Variants in ACACA observed in about 807,000 individuals in gnomAD.
ACACA encodes acetyl-CoA carboxylase 1.
In ACACA, 103 loss-of-function variants were observed where a neutral mutation model predicts 296.1. That is an observed-to-expected ratio of 0.35 (90% CI 0.30 to 0.41). The LOEUF is 0.41. Among genes scored for constraint, ACACA ranks in the 10% least tolerant of loss-of-function variants. ACACA has a pLI of 1.00. For synonymous variants in ACACA, 953 were observed against 1,038.6 expected, an observed-to-expected ratio of 0.92 and a Z score of 1.58; for missense variants, 1,554 against 2,989.7, an observed-to-expected ratio of 0.52 and a Z score of 11.20.
At position 37,390,175 on chromosome 17, in the gene ACACA, T is replaced by TATATAC. The variant is rs60788220; in HGVS notation, c.38+16086_38+16087insGTATAT. On this transcript the variant is annotated intron_variant, in intron 1 of 55. Coordinates refer to ENST00000616317, the MANE Select transcript of ACACA (RefSeq NM_198834.3). ...ATATATATATATATATATATATATA[T>TATATAC]ACACACACACATTATATATAAATAT... Among the ~76,000 whole-genome samples, 103 of 44,478 alleles carry TATATAC rather than the reference T, an allele frequency of 2.3e-3. 1 individual carries two copies. Among genetic ancestry groups the TATATAC allele is most frequent in the African/African-American group, 3.0e-3 (26 of 8,574 alleles). The allele number at this position is 44,478 out of a possible 152,430, so 29.2% of individuals were successfully genotyped here.
chr17:37,229,191 T>C (rs1038008090), intron 25 of ACACA, among the ~76,000 whole-genome samples: 3 of 151,720 alleles, frequency 2.0e-5, no homozygotes, highest in Non-Finnish European at 2.9e-5. Context: ...CTGTATCAGA[T>C]TTGATATAGA....
intron 1 of ACACA, among the ~76,000 whole-genome samples, chr17:37,350,781 G>C (rs894303170): frequency 6.6e-6 from 1 of 151,884 alleles, no homozygotes; most frequent in African/African-American, 2.4e-5. Flanking sequence ...GGAGGTTGTG[G>C]TGAGCCAAGA....
At position 37,097,241 on chromosome 17, in the gene ACACA, G is replaced by A. The variant is rs2073050109; in HGVS notation, c.6721-75C>T. 2 of 1,535,512 alleles carry A rather than the reference G, an allele frequency of 1.3e-6. No homozygotes were observed. The highest frequency in any genetic ancestry group is 8.9e-7 in the Non-Finnish European group (1 of 1,129,404). On this transcript the variant is annotated intron_variant, in intron 53 of 55. Transcript: ENST00000616317. The surrounding 1 kb of genome is among the most constrained non-coding windows in gnomAD (Gnocchi z 4.8). ...GCTCAGTCTGGAGGGAAACCCACAG[G>A]CATAAAAACTGATTCTCCAGGCAAG...
At chr17:37,171,789 T>C (rs1460570542) in intron 41 of ACACA, among the ~76,000 whole-genome samples, 1 of 152,216 alleles carries the variant, frequency 6.6e-6, no homozygotes, top group African/African-American at 2.4e-5. Context: ...GTAACATTTA[T>C]ATACATGAAA....
intron 3 of ACACA, among the ~76,000 whole-genome samples, chr17:37,318,392 G>C (rs1373915170): frequency 1.3e-5 from 2 of 152,024 alleles, no homozygotes; most frequent in Non-Finnish European, 2.9e-5. Flanking sequence ...ACAGGTGCTC[G>C]CCACCACCTG....
intron 39 of ACACA, 115 bp from the exon 40 acceptor site, chr17:37,181,471 G>T: frequency 8.9e-7 from 1 of 1,117,628 alleles, no homozygotes; most frequent in Non-Finnish European, 1.3e-6. Context: ...TTGGTAGGTT[G>T]AGTAGCTGAG....
intron 39 of ACACA, 75 bp from the exon 40 acceptor site, chr17:37,181,431 T>C: frequency 6.6e-7 from 1 of 1,513,958 alleles, no homozygotes; most frequent in Non-Finnish European, 9.1e-7. Flanking sequence ...GGGCTTTTTT[T>C]GCACAAATAT....
At chr17:37,226,209 G>A in intron 26 of ACACA, 130 bp downstream of exon 26, 2 of 813,476 alleles carry the variant, frequency 2.5e-6, no homozygotes, top group Non-Finnish European at 4.4e-6. Flanking sequence ...TTTGTTCTGA[G>A]GAAAACGTGA....
rs2049290008 is a variant in ACACA at position 37,359,154 on chromosome 17, T to C, written c.39-19304A>G. The C allele has an allele frequency of 7.1e-6, 7 of 982,470 alleles. No individual in the cohort carries two copies. The South Asian group carries it at 3.3e-4, about 46-fold the overall frequency. The allele number at this position is 982,470 out of a possible 1,614,324, so 60.9% of individuals were successfully genotyped here. ...GAGAAGGGGCGGGGCTTCAGGGGCC[T>C]GACCCGCCCCCGCCCCGCCCCTGTC... On this transcript the variant is annotated intron_variant, in intron 1 of 55. Coordinates refer to ENST00000616317, the MANE Select transcript of ACACA (RefSeq NM_198834.3).
intron 1 of ACACA, among the ~76,000 whole-genome samples, chr17:37,396,631 G>T (rs2051090496): frequency 6.6e-6 from 1 of 152,130 alleles, no homozygotes; most frequent in Non-Finnish European, 1.5e-5. Context: ...AGCAGATTCT[G>T]ACCTAGAGCA....
chr17:37,334,023 G>A (rs1321870574), intron 2 of ACACA, among the ~76,000 whole-genome samples: 1 of 151,768 alleles, frequency 6.6e-6, no homozygotes, highest in Admixed American at 6.6e-5. Context: ...GTAACCCAAG[G>A]AGTATCCCAG....
intron 41 of ACACA, among the ~76,000 whole-genome samples, chr17:37,164,206 C>A (rs2076575684): frequency 6.6e-6 from 1 of 151,984 alleles, no homozygotes; most frequent in African/African-American, 2.4e-5. Context: ...TGCTGCATAT[C>A]ACCTCATTGG....
At chr17:37,327,831 T>C (rs902466553) in intron 3 of ACACA, among the ~76,000 whole-genome samples, 1 of 152,206 alleles carries the variant, frequency 6.6e-6, no homozygotes, top group Non-Finnish European at 1.5e-5. Flanking sequence ...TTATCTACTA[T>C]ACCACAGAAG....
At chr17:37,144,114 T>C (rs2075715059) in intron 45 of ACACA, 5 of 760,872 alleles carry the variant, frequency 6.6e-6, no homozygotes, top group Admixed American at 3.4e-5. Flanking sequence ...TTGCCATATC[T>C]TCAAATTTTC....
chr17:37,307,943 A>G (rs1193720988), intron 3 of ACACA, among the ~76,000 whole-genome samples: 1 of 109,116 alleles, frequency 9.2e-6, no homozygotes, highest in Non-Finnish European at 1.6e-5. Context: ...TGATATAACA[A>G]GTAGAAAAAA....
At chr17:37,389,289 T>C in intron 1 of ACACA, 1 of 1,599,202 alleles carries the variant, frequency 6.3e-7, no homozygotes, top group Non-Finnish European at 8.5e-7. Context: ...TGCCAGTGGT[T>C]GTGGAGATGG....
chr17:37,155,856 A>G, intron 42 of ACACA, 76 bp from the exon 43 acceptor site: 1 of 1,002,050 alleles, frequency 1.0e-6, no homozygotes, highest in Non-Finnish European at 1.6e-6. Context: ...AGCATACATA[A>G]TGAAGCTTGT....
chr17:37,391,913 C>A (rs8082190), intron 1 of ACACA: 7 of 598,482 alleles, frequency 1.2e-5, no homozygotes, highest in Non-Finnish European at 1.8e-5. Context: ...TGAGCCACAA[C>A]CTTCTGTAAT....
rs541868192 is a variant in ACACA, at chr17:37,087,190, A to T, written c.*126T>A. The T allele has an allele frequency of 9.0e-5, 120 of 1,326,406 alleles. 1 individual carries two copies. The highest frequency in any genetic ancestry group is 9.7e-6 in the Non-Finnish European group (9 of 932,626). The allele number at this position is 1,326,406 out of a possible 1,614,324, so 82.2% of individuals were successfully genotyped here. A position where few individuals can be genotyped will look rare whatever the true frequency, so the allele number is the denominator to read the frequency against. On this transcript the variant is annotated 3_prime_UTR_variant, in exon 56 of 56. Transcript: ENST00000616317. Reference sequence around the variant, plus strand: ...GTCATGCATAACCTGAAACGAGAGGAAGTAAAATGCCATTTGACTCCAGTG... The same window carrying T: ...GTCATGCATAACCTGAAACGAGAGGTAGTAAAATGCCATTTGACTCCAGTG...
Sources: allele counts gnomAD v4.1 joint callset (sites outside exome capture counted in the v4.1 genomes callset), GRCh38; gene constraint gnomAD v4.1.1; non-coding constraint Gnocchi (gnomAD v3.1); transcripts MANE v1.5; gene names NCBI Gene and HGNC (gene_info 2026-07-23, HGNC 2026-07-21).